Variants in LRBA observed in about 807,000 individuals in gnomAD.
LRBA encodes the protein LPS responsive beige-like anchor protein, also known as lipopolysaccharide-responsive and beige-like anchor protein.
In LRBA, 176 loss-of-function variants were observed where a neutral mutation model predicts 330.0. The ratio of observed to expected loss-of-function variants is 0.53; its 90% CI spans 0.47 to 0.60. The LOEUF (loss-of-function observed/expected upper bound fraction) is 0.60, where lower values mean the gene tolerates loss of function less well. Ranked by LOEUF, LRBA falls within the 20% of genes least tolerant of loss-of-function variation. LRBA has a pLI of 0.00. For synonymous variants in LRBA, 1,230 were observed against 1,193.0 expected (o/e 1.03, Z -0.64); for missense variants, 3,259 against 3,444.8 (o/e 0.95, Z 1.35).
At chr4:150,544,680 A>T (rs1331397094) in intron 40 of LRBA, among the ~76,000 whole-genome samples, 1 of 152,184 alleles carries the variant, frequency 6.6e-6, no homozygotes, top group Non-Finnish European at 1.5e-5. Flanking sequence ...CATTAAGAAA[A>T]ACCATGTTTG....
intron 2 of LRBA, among the ~76,000 whole-genome samples, chr4:150,997,016 T>C (rs189483335): frequency 1.3e-5 from 2 of 152,346 alleles, no homozygotes; most frequent in East Asian, 3.9e-4. Flanking sequence ...AACTGGATCA[T>C]AAAGCAAAGC....
chr4:150,848,901 AAT>A lies in LRBA; in HGVS notation c.4254_4255del (p.Phe1419CysfsTer8). On this transcript the variant is annotated frameshift_variant, in exon 26 of 57. Coordinates refer to ENST00000651943, the MANE Select transcript of LRBA (RefSeq NM_001364905.1). LOFTEE classifies it high-confidence loss of function. The stretch of plus-strand genomic sequence containing the variant: ...TTCAGTAAAGCCAAGAGAACTTGCA[AAT>A]ATAAGCACATCCACAAGGCTAATTA... The A allele has an allele frequency of 6.2e-7, 1 of 1,613,538 alleles. No individual in the cohort carries two copies. The highest frequency in any genetic ancestry group is 8.5e-7 in the Non-Finnish European group (1 of 1,179,630).
chr4:150,746,597 G>A (rs781545034), intron 35 of LRBA, among the ~76,000 whole-genome samples: 1 of 148,200 alleles, frequency 6.7e-6, no homozygotes, highest in Non-Finnish European at 1.5e-5. Flanking sequence ...TGCAATGTCC[G>A]TCTCCCTGGT....
chr4:150,501,621 T>C (rs1760284652), intron 40 of LRBA, among the ~76,000 whole-genome samples: 1 of 151,754 alleles, frequency 6.6e-6, no homozygotes, highest in South Asian at 2.1e-4. Flanking sequence ...AAAAGGTATC[T>C]ACAATCTAAG....
chr4:150,418,583 G>A (rs1748119897), intron 46 of LRBA, among the ~76,000 whole-genome samples: 1 of 151,884 alleles, frequency 6.6e-6, no homozygotes, highest in African/African-American at 2.4e-5. Context: ...TTTGTACAAT[G>A]GGCATTGTAA....
chr4:150,374,960 T>A (rs1300728102), intron 47 of LRBA, among the ~76,000 whole-genome samples: 2 of 152,066 alleles, frequency 1.3e-5, no homozygotes, highest in African/African-American at 4.8e-5. Flanking sequence ...CAGATGAAAA[T>A]CTGAAGATAA....
chr4:150,284,818 G>A (rs949803637), intron 54 of LRBA, among the ~76,000 whole-genome samples: 1 of 152,094 alleles, frequency 6.6e-6, no homozygotes, highest in African/African-American at 2.4e-5. Context: ...GAGCCACCAT[G>A]CCCAGCCTGA....
At chr4:150,904,326 CT>C (rs932555292) in intron 13 of LRBA, among the ~76,000 whole-genome samples, 2 of 152,122 alleles carry the variant, frequency 1.3e-5, no homozygotes, top group African/African-American at 4.8e-5. Flanking sequence ...TGGATCTGCC[CT>C]TTTTTATGAC....
At chr4:150,601,262 T>C (rs1007353514) in intron 37 of LRBA, among the ~76,000 whole-genome samples, 1 of 152,192 alleles carries the variant, frequency 6.6e-6, no homozygotes, top group African/African-American at 2.4e-5. Context: ...TTCTTCTTGA[T>C]AACAATTAAA....
Position 150,315,595 on chromosome 4 carries a change from T to G in LRBA, c.7659A>C (p.Pro2553=). ...PAHQGAVQDQ[P]YQLPVEIDPL... is the part of the protein sequence containing the mutation. The stretch of plus-strand genomic sequence containing the variant: ...GATCGATTTCCACTGGCAGCTGGTA[T>G]GGCTGGTCTTGTACAGCACCTTGAT... Residue 2553 remains proline (P), a synonymous_variant, in exon 51 of 57, where the codon CCA becomes CCC. Transcript: ENST00000651943. 6.2e-7 allele frequency: 1 copy of G among 1,611,992 alleles called. No homozygotes were observed. The highest frequency in any genetic ancestry group is 8.5e-7 in the Non-Finnish European group (1 of 1,179,062).
intron 44 of LRBA, among the ~76,000 whole-genome samples, chr4:150,452,278 T>A (rs946352986): frequency 2.0e-5 from 3 of 151,938 alleles, no homozygotes; most frequent in Non-Finnish European, 4.4e-5. Flanking sequence ...ACTAACCAAC[T>A]AAAAAAGAAA....
At chr4:150,781,578 C>T (rs951043494) in intron 34 of LRBA, among the ~76,000 whole-genome samples, 6 of 152,092 alleles carry the variant, frequency 3.9e-5, no homozygotes, top group East Asian at 3.9e-4. Context: ...GAGTTGGGGA[C>T]GTCTGTTTTA....
Position 150,929,047 on chromosome 4 carries a change from C to T in LRBA, c.235G>A (p.Asp79Asn). Reference protein sequence around the residue: ...VFNLLVGGQFDLEMNFIIQEG... With the variant: ...VFNLLVGGQFNLEMNFIIQEG... ...TGGATAATGAAATTCATTTCCAGAT[C>T]AAACTGTCCTCCTACCAACTTACAA... The change falls in exon 3 of 57, where the codon GAT becomes AAT. Residue 79 changes from aspartate (D) to asparagine (N), a missense_variant. Asp to Asn is a conservative substitution (Grantham distance 23). Transcript: ENST00000651943. 4 of 1,608,018 alleles carry T rather than the reference C, an allele frequency of 2.5e-6. No homozygotes were observed. Among genetic ancestry groups the T allele is most frequent in the Non-Finnish European group, 3.4e-6 (4 of 1,176,544 alleles).
At chr4:150,989,915 G>T (rs554746494) in intron 2 of LRBA, among the ~76,000 whole-genome samples, 1 of 152,202 alleles carries the variant, frequency 6.6e-6, no homozygotes, top group East Asian at 1.9e-4. Flanking sequence ...CTTAAGGCCA[G>T]GAGTTCGAGA....
At chr4:150,813,726 T>C (rs1744135169) in intron 31 of LRBA, among the ~76,000 whole-genome samples, 1 of 152,078 alleles carries the variant, frequency 6.6e-6, no homozygotes, top group Admixed American at 6.6e-5. Flanking sequence ...TATCCACAAA[T>C]GGGAATTTCC....
chr4:150,434,938 C>T (rs1750912784), intron 46 of LRBA, among the ~76,000 whole-genome samples: 1 of 151,726 alleles, frequency 6.6e-6, no homozygotes, highest in South Asian at 2.1e-4. Context: ...ACCATATTTT[C>T]CCTTCAACAA....
chr4:150,945,703 G>A (rs774693028), intron 2 of LRBA, among the ~76,000 whole-genome samples: 7 of 151,994 alleles, frequency 4.6e-5, no homozygotes, highest in East Asian at 1.9e-4. Context: ...CAAGTCATTC[G>A]GATATAGTAT....
In LRBA at chr4:150,908,395, G is replaced by T. The variant is rs1731579621; in HGVS notation, c.1432C>A (p.Pro478Thr). ...CTGTAATCCAACTGTGCAAAAAGTG[G>T]AAATAGTACTTGTACTCCTCCAATT... ...HSIGGVQVLF[P>T]LFAQLDYRQY... is the part of the protein sequence containing the mutation. Residue 478 changes from proline to threonine, a missense_variant, in exon 11 of 57, where the codon CCA becomes ACA. Pro to Thr is a conservative substitution (Grantham distance 38, BLOSUM62 -1). Coordinates refer to ENST00000651943, the MANE Select transcript of LRBA (RefSeq NM_001364905.1). 5 of 1,610,762 alleles carry T rather than the reference G, an allele frequency of 3.1e-6. No homozygotes were observed. The East Asian group carries it at 1.1e-4, about 36-fold the overall frequency.
At chr4:150,770,796 C>A (rs1025460113) in intron 34 of LRBA, among the ~76,000 whole-genome samples, 5 of 152,140 alleles carry the variant, frequency 3.3e-5, no homozygotes, top group Admixed American at 3.3e-4. Context: ...CCCAAAGCTT[C>A]ATTCCTGAAG....
Sources: allele counts gnomAD v4.1 joint callset (sites outside exome capture counted in the v4.1 genomes callset), GRCh38; gene constraint gnomAD v4.1.1; transcripts MANE v1.5; gene names NCBI Gene and HGNC (gene_info 2026-07-23, HGNC 2026-07-21).